The following ATP6V0A4 variants were observed in gnomAD, a reference collection of about 807,000 sequenced individuals.
ATP6V0A4 encodes the protein ATPase H+ transporting V0 subunit a4.
A neutral mutation model predicts 107.3 loss-of-function variants in ATP6V0A4; 86 were observed. The ratio of observed to expected loss-of-function variants is 0.80; its 90% CI spans 0.67 to 0.96. The LOEUF is 0.96. Among genes scored for constraint, ATP6V0A4 ranks in the 40% least tolerant of loss-of-function variants. The pLI is 0.00. For synonymous variants in ATP6V0A4, 353 were observed against 381.4 expected (o/e 0.93, Z 0.87); for missense variants, 908 against 1,045.6 (o/e 0.87, Z 1.81).
Position 138,709,618 on chromosome 7 carries a change from C to T in ATP6V0A4, c.2429+6G>A. 1 of 1,612,110 alleles carries T rather than the reference C, an allele frequency of 6.2e-7. No homozygotes were observed. Among genetic ancestry groups the T allele is most frequent in the Non-Finnish European group, 8.5e-7 (1 of 1,178,858 alleles). ...CATTGAGCTTCCAGGGGACAACCAT[C>T]CTTACCAGTGCAGTCGCAGGGCGTG... On this transcript the variant is annotated splice_donor_region_variant and intron_variant, in intron 21 of 21. Coordinates refer to ENST00000310018, the MANE Select transcript of ATP6V0A4 (RefSeq NM_020632.3).
chr7:138,751,834 T>C (rs1420025549), intron 11 of ATP6V0A4, among the ~76,000 whole-genome samples: 1 of 152,044 alleles, frequency 6.6e-6, no homozygotes, highest in Admixed American at 6.6e-5. Context: ...TAACAGGTGG[T>C]ATCTACAGTC....
chr7:138,776,657 T>C (rs1477023743), intron 2 of ATP6V0A4, among the ~76,000 whole-genome samples: 1 of 152,130 alleles, frequency 6.6e-6, no homozygotes, highest in Non-Finnish European at 1.5e-5. Context: ...TTTTCAAACG[T>C]CTGGGTGCTC....
In ATP6V0A4 at chr7:138,749,300, G is replaced by T. The variant is rs538042986; in HGVS notation, c.1047C>A (p.Ser349=). The change falls in exon 12 of 22, where the codon TCC becomes TCA. Residue 349 remains serine, a synonymous_variant. Transcript: ENST00000310018. Reference sequence around the variant, plus strand: ...GCACTGTGGTCATGATGGGGGCCATGGAGGAGCCACTTAGTTCCTGGAAAA... The same window carrying T: ...GCACTGTGGTCATGATGGGGGCCATTGAGGAGCCACTTAGTTCCTGGAAAA... ...LEQGMELSGS[S]MAPIMTTVQS... is the part of the protein sequence containing the mutation. 6.4e-5 allele frequency: 103 copies of T among 1,610,596 alleles called. 1 individual carries two copies. In the South Asian group the frequency reaches 8.5e-4, roughly 13 times the overall value.
At chr7:138,765,996 C>G in intron 5 of ATP6V0A4, among the ~76,000 whole-genome samples, 1 of 152,160 alleles carries the variant, frequency 6.6e-6, no homozygotes, top group East Asian at 1.9e-4. Flanking sequence ...AAGCAATCCT[C>G]CTGCCTTGGC....
rs774810624 is a variant in ATP6V0A4, at chr7:138,752,652, A to G, written c.1002T>C (p.Arg334=). ...TGCCTTGCTCCAGTGCCCTCTTGAT[A>G]CGTGTGGCATCTGCCACCGGGAACC... is the stretch of plus-strand genomic sequence containing the variant. ...EIWFPVADAT[R]IKRALEQGME... is the part of the protein sequence containing the mutation. Residue 334 remains arginine, a synonymous_variant, in exon 11 of 22, where the codon CGT becomes CGC. Coordinates refer to ENST00000310018, the MANE Select transcript of ATP6V0A4 (RefSeq NM_020632.3). The G allele has an allele frequency of 1.4e-4, 231 of 1,613,508 alleles. No homozygotes were observed. The highest frequency in any genetic ancestry group is 1.9e-4 in the Non-Finnish European group (219 of 1,179,862).
intron 8 of ATP6V0A4, among the ~76,000 whole-genome samples, chr7:138,756,757 G>T (rs1222342436): frequency 1.3e-5 from 2 of 152,102 alleles, no homozygotes; most frequent in Non-Finnish European, 2.9e-5. Context: ...AAGGTGACAG[G>T]CTCCCTGTTC....
intron 5 of ATP6V0A4, among the ~76,000 whole-genome samples, chr7:138,765,735 G>GGTTTTT (rs57065960): frequency 0.1 from 15,702 of 151,310 alleles, 1,057 homozygotes; most frequent in East Asian, 0.35. Context: ...TTATGCTGGT[G>GGTTTTT]GTTTTTGTTT....
At position 138,706,620 on chromosome 7, in the gene ATP6V0A4, C is replaced by T. The variant is rs759250618; in HGVS notation, c.*4G>A. The stretch of plus-strand genomic sequence containing the variant: ...TGACCACCGTGGGAGGTGCAGCCCT[C>T]AGCCTACTCCTCGGCTGTGCCATCC... On this transcript the variant is annotated 3_prime_UTR_variant, in exon 22 of 22. Coordinates refer to ENST00000310018, the MANE Select transcript of ATP6V0A4 (RefSeq NM_020632.3). The T allele has an allele frequency of 6.8e-6, 11 of 1,613,764 alleles. No homozygotes were observed. The African/African-American group carries it at 1.5e-4, about 22-fold the overall frequency.
intron 14 of ATP6V0A4, among the ~76,000 whole-genome samples, chr7:138,744,164 C>A (rs1805782607): frequency 6.6e-6 from 1 of 152,072 alleles, no homozygotes; most frequent in African/African-American, 2.4e-5. Context: ...CCAGGTGTCC[C>A]CTGCCCCCAA....
rs1808571313 is a variant in ATP6V0A4 at position 138,794,627 on chromosome 7, G to C, written c.-121+3407C>G. On this transcript the variant is annotated intron_variant, in intron 1 of 21. Coordinates refer to ENST00000310018, the MANE Select transcript of ATP6V0A4 (RefSeq NM_020632.3). ...CATTTCAGCCTGAACTTTTAAAATA[G>C]TGTGTGTAACCAAATACCTATCTCA... is the stretch of plus-strand genomic sequence containing the variant. Among the ~76,000 whole-genome samples, 2 of 151,816 alleles carry C rather than the reference G, an allele frequency of 1.3e-5. 1 individual carries two copies. The highest frequency in any genetic ancestry group is 4.2e-4 in the South Asian group (2 of 4,814).
At chr7:138,755,193 G>A (rs1424592415) in intron 10 of ATP6V0A4, among the ~76,000 whole-genome samples, 3 of 152,342 alleles carry the variant, frequency 2.0e-5, no homozygotes, top group Non-Finnish European at 4.4e-5. Flanking sequence ...AGTGTGTTGA[G>A]TGACCCTGGA....
At chr7:138,719,320 G>T (rs1804310893) in intron 19 of ATP6V0A4, among the ~76,000 whole-genome samples, 1 of 152,132 alleles carries the variant, frequency 6.6e-6, no homozygotes, top group Admixed American at 6.6e-5. Flanking sequence ...GGGCCCCTGG[G>T]ACCACACCTG....
In ATP6V0A4 at chr7:138,773,600, A is replaced by G. The variant is rs1473398859; in HGVS notation, c.-17-2336T>C. 6.6e-6 allele frequency among the ~76,000 whole-genome samples: 1 copy of G among 152,176 alleles called. No homozygotes were observed. Among genetic ancestry groups the G allele is most frequent in the Non-Finnish European group, 1.5e-5 (1 of 68,032 alleles). ...AGGTCAACAGCACCACAAAGTGGGT[A>G]CTCCAGAAGCAATACCCCATGTATA... is the stretch of plus-strand genomic sequence containing the variant. On this transcript the variant is annotated intron_variant, in intron 2 of 21. Transcript: ENST00000310018. This position sits in a 1 kb window ranked among gnomAD's most constrained non-coding sequence, Gnocchi z 5.4.
chr7:138,708,923 A>C (rs1803586726), intron 21 of ATP6V0A4, among the ~76,000 whole-genome samples: 1 of 151,774 alleles, frequency 6.6e-6, no homozygotes, highest in African/African-American at 2.4e-5. Flanking sequence ...AAAATACAAA[A>C]ATTAGTCAGG....
intron 14 of ATP6V0A4, among the ~76,000 whole-genome samples, chr7:138,744,081 T>C (rs887664856): frequency 6.6e-6 from 1 of 152,120 alleles, no homozygotes; most frequent in Admixed American, 6.6e-5. Context: ...GTAGAATGCA[T>C]AGGGGAAGGG....
chr7:138,774,450 G>T (rs1236139838), intron 2 of ATP6V0A4, among the ~76,000 whole-genome samples: 1 of 151,574 alleles, frequency 6.6e-6, no homozygotes, highest in South Asian at 2.1e-4. Flanking sequence ...GTGTGGTGGC[G>T]GGTGCCTGTA....
At chr7:138,752,997 A>G in intron 10 of ATP6V0A4, 160 bp from the exon 11 acceptor site, 2 of 825,586 alleles carry the variant, frequency 2.4e-6, no homozygotes, top group Non-Finnish European at 2.9e-6. Flanking sequence ...TGAGCAGTTT[A>G]TCTCCCCCGC....
At chr7:138,717,153 C>T (rs1804081611) in intron 19 of ATP6V0A4, among the ~76,000 whole-genome samples, 1 of 152,184 alleles carries the variant, frequency 6.6e-6, no homozygotes, top group Non-Finnish European at 1.5e-5. Flanking sequence ...AGTAGACACT[C>T]TGCACATGGG....
chr7:138,787,226 T>C (rs1368602700), intron 1 of ATP6V0A4, among the ~76,000 whole-genome samples: 1 of 152,180 alleles, frequency 6.6e-6, no homozygotes, highest in African/African-American at 2.4e-5. Flanking sequence ...TTAGGAAGTA[T>C]ACATAGCAAA....
Sources: allele counts gnomAD v4.1 joint callset (sites outside exome capture counted in the v4.1 genomes callset), GRCh38; gene constraint gnomAD v4.1.1; non-coding constraint Gnocchi (gnomAD v3.1); transcripts MANE v1.5; gene names NCBI Gene and HGNC (gene_info 2026-07-23, HGNC 2026-07-21).